PARD3: variants seen among roughly 807,000 people sequenced by gnomAD.
The protein encoded by PARD3 is partitioning defective 3 homolog.
A neutral mutation model predicts 155.4 loss-of-function variants in PARD3; 75 were observed. The observed-to-expected ratio is 0.48, with a 90% confidence interval of 0.40 to 0.58. PARD3 has a LOEUF of 0.58. Ranked by LOEUF, PARD3 falls within the 20% of genes least tolerant of loss-of-function variation. PARD3 has a pLI of 0.00. For missense variants in PARD3, 1,642 were observed against 1,721.7 expected (o/e 0.95, Z 0.82); for synonymous variants, 576 against 610.5 (o/e 0.94, Z 0.83).
intron 1 of PARD3, among the ~76,000 whole-genome samples, chr10:34,723,101 TG>T (rs2094635078): frequency 6.6e-6 from 1 of 152,098 alleles, no homozygotes; most frequent in Non-Finnish European, 1.5e-5. Flanking sequence ...TCCAGCACTT[TG>T]GGAGGCTGAG....
At chr10:34,540,727 A>C (rs2083549901) in intron 2 of PARD3, among the ~76,000 whole-genome samples, 1 of 152,070 alleles carries the variant, frequency 6.6e-6, no homozygotes, top group African/African-American at 2.4e-5. Context: ...GGCTACAGTG[A>C]GCCATGACCA....
At chr10:34,312,030 G>T (rs1254838637) in intron 20 of PARD3, among the ~76,000 whole-genome samples, 1 of 152,164 alleles carries the variant, frequency 6.6e-6, no homozygotes, top group Non-Finnish European at 1.5e-5. Flanking sequence ...TCCAATGGGT[G>T]TGTGCTGATG....
In PARD3 at chr10:34,764,130, C is replaced by T. The variant is rs114157409; in HGVS notation, c.120+50746G>A. Among the ~76,000 whole-genome samples the T allele has an allele frequency of 9.9e-3, 1,512 of 152,292 alleles. 18 individuals are homozygous for T. Among genetic ancestry groups the T allele is most frequent in the African/African-American group, 0.033 (1,391 of 41,550 alleles). On this transcript the variant is annotated intron_variant, in intron 1 of 24. Coordinates refer to ENST00000374788, the MANE Select transcript of PARD3 (RefSeq NM_001184785.2). ...ATGCTAGTTGGGAAGATGACCCAGGCACTGGTCATATATTATTGCAGCTTT... is the reference window on the plus strand; with the variant it reads ...ATGCTAGTTGGGAAGATGACCCAGGTACTGGTCATATATTATTGCAGCTTT...
chr10:34,127,430 T>C (rs559169864), intron 23 of PARD3, among the ~76,000 whole-genome samples: 1 of 152,320 alleles, frequency 6.6e-6, no homozygotes, highest in South Asian at 2.1e-4. Flanking sequence ...CAACACCCCA[T>C]GCACACCCCT....
chr10:34,774,731 A>G (rs1420191178), intron 1 of PARD3, among the ~76,000 whole-genome samples: 1 of 152,166 alleles, frequency 6.6e-6, no homozygotes, highest in Admixed American at 6.5e-5. Context: ...CCTTCTCACA[A>G]TTGGCTTGAA....
In PARD3 at chr10:34,373,171, C is replaced by T. The variant is rs370079227; in HGVS notation, c.1669-635G>A. On this transcript the variant is annotated intron_variant, in intron 11 of 24. Coordinates refer to ENST00000374788, the MANE Select transcript of PARD3 (RefSeq NM_001184785.2). ...GGATTCAAGATTATTTTTAAATGTC[C>T]CCTCCCTTTAAATTTTCAGGATTTT... Among the ~76,000 whole-genome samples, 86 of 151,890 alleles carry T rather than the reference C, an allele frequency of 5.7e-4. 2 individuals are homozygous for T. The South Asian group carries it at 0.017, about 30-fold the overall frequency.
intron 22 of PARD3, among the ~76,000 whole-genome samples, chr10:34,200,945 AC>A (rs778065640): frequency 3.9e-5 from 6 of 151,946 alleles, no homozygotes; most frequent in African/African-American, 4.8e-5. Context: ...CTCCTTGGCA[AC>A]CCCCTGCCCC....
intron 2 of PARD3, among the ~76,000 whole-genome samples, chr10:34,665,708 C>T (rs1350521313): frequency 6.6e-6 from 1 of 151,438 alleles, no homozygotes; most frequent in Non-Finnish European, 1.5e-5. Flanking sequence ...CATGGTGGCA[C>T]GTGCCTATAG....
At chr10:34,128,895 G>A (rs1228092790) in intron 23 of PARD3, among the ~76,000 whole-genome samples, 1 of 152,038 alleles carries the variant, frequency 6.6e-6, no homozygotes, top group Admixed American at 6.6e-5. Context: ...AGATTCCTGG[G>A]CCCCACCCGT....
chr10:34,665,906 A>AGAACAG (rs1554804216), intron 2 of PARD3, among the ~76,000 whole-genome samples: 8 of 147,214 alleles, frequency 5.4e-5, no homozygotes, highest in Non-Finnish European at 1.0e-4. Flanking sequence ...AGAACAGAAC[A>AGAACAG]AAAAGAAAAG....
chr10:34,349,456 T>C (rs1837770995), intron 14 of PARD3, among the ~76,000 whole-genome samples: 1 of 151,896 alleles, frequency 6.6e-6, no homozygotes, highest in Non-Finnish European at 1.5e-5. Context: ...TTTTTAAAAT[T>C]GTAGATTACA....
chr10:34,561,854 A>G (rs2085505583), intron 2 of PARD3, among the ~76,000 whole-genome samples: 1 of 150,666 alleles, frequency 6.6e-6, no homozygotes, highest in Admixed American at 6.6e-5. Flanking sequence ...CTCTCAGCCC[A>G]GTATGGTGGG....
At chr10:34,778,297 TG>T (rs1839843934) in intron 1 of PARD3, among the ~76,000 whole-genome samples, 1 of 152,182 alleles carries the variant, frequency 6.6e-6, no homozygotes, top group Non-Finnish European at 1.5e-5. Context: ...TGCGGTCTGC[TG>T]GATTCTAAAT....
intron 14 of PARD3, among the ~76,000 whole-genome samples, chr10:34,349,273 G>A (rs958932804): frequency 2.0e-5 from 3 of 152,244 alleles, no homozygotes; most frequent in Non-Finnish European, 4.4e-5. Flanking sequence ...GTTTCGAATT[G>A]TAGACTTATC....
chr10:34,752,785 T>A (rs1472460112), intron 1 of PARD3, among the ~76,000 whole-genome samples: 1 of 152,136 alleles, frequency 6.6e-6, no homozygotes, highest in East Asian at 1.9e-4. Flanking sequence ...AAAATGGGAA[T>A]TTAGTAATTA....
At chr10:34,338,324 A>G (rs1836420631) in intron 16 of PARD3, among the ~76,000 whole-genome samples, 1 of 152,230 alleles carries the variant, frequency 6.6e-6, no homozygotes. Flanking sequence ...TCCTGTTTGT[A>G]AAAATCTGTG....
intron 10 of PARD3, among the ~76,000 whole-genome samples, chr10:34,375,832 C>T (rs1008346182): frequency 2.0e-5 from 3 of 152,196 alleles, no homozygotes; most frequent in Admixed American, 6.5e-5. Context: ...TATTTCAGAA[C>T]ATTTCCCCTT....
At chr10:34,347,913 C>A in intron 15 of PARD3, 52 bp downstream of exon 15, 1 of 1,487,032 alleles carries the variant, frequency 6.7e-7, no homozygotes, top group Non-Finnish European at 9.2e-7. Context: ...TCTCAGTAAA[C>A]CAATGAAAGC....
intron 5 of PARD3, among the ~76,000 whole-genome samples, chr10:34,420,760 T>C (rs144947764): frequency 6.6e-6 from 1 of 152,338 alleles, no homozygotes; most frequent in African/African-American, 2.4e-5. Context: ...TGTGTATTTA[T>C]AACAAATATG....
Sources: allele counts gnomAD v4.1 joint callset (sites outside exome capture counted in the v4.1 genomes callset), GRCh38; gene constraint gnomAD v4.1.1; transcripts MANE v1.5; gene names NCBI Gene and HGNC (gene_info 2026-07-23, HGNC 2026-07-21).